The following SEMA5A variants were observed in gnomAD, a reference collection of about 807,000 sequenced individuals.
SEMA5A encodes semaphorin-5A.
Under a neutral mutation model 135.5 loss-of-function variants are expected in SEMA5A, and 55 were observed. The observed-to-expected ratio is 0.41, with a 90% CI of 0.33 to 0.51. The LOEUF is 0.51. SEMA5A is among the 20% of genes least tolerant of loss of function. The pLI is 0.37. For missense variants in SEMA5A, 1,290 were observed against 1,419.9 expected (o/e 0.91, Z 1.47); for synonymous variants, 580 against 546.5 (o/e 1.06, Z -0.85).
At chr5:9,205,263 A>G (rs537698212) in intron 8 of SEMA5A, among the ~76,000 whole-genome samples, 1 of 152,296 alleles carries the variant, frequency 6.6e-6, no homozygotes, top group African/African-American at 2.4e-5. Flanking sequence ...CCAACCAGAG[A>G]GACAATAAAT....
At chr5:9,118,970 C>G (rs1279728658) in intron 15 of SEMA5A, 28 bp downstream of exon 15, 1 of 1,606,392 alleles carries the variant, frequency 6.2e-7, no homozygotes, top group Non-Finnish European at 8.5e-7. Flanking sequence ...GTGAGGCTGG[C>G]GGTGCTGGCA....
intron 3 of SEMA5A, among the ~76,000 whole-genome samples, chr5:9,366,420 G>A (rs559584511): frequency 4.8e-5 from 7 of 146,948 alleles, no homozygotes; most frequent in African/African-American, 1.0e-4. Context: ...ATGGAGTCTC[G>A]CTCTGTCGCC....
intron 16 of SEMA5A, among the ~76,000 whole-genome samples, chr5:9,088,637 AATAT>A (rs71611400): frequency 1.3e-4 from 14 of 108,084 alleles, no homozygotes; most frequent in South Asian, 3.1e-4. Context: ...CTACATTTAT[AATAT>A]ATATATATAT....
intron 13 of SEMA5A, among the ~76,000 whole-genome samples, chr5:9,131,637 A>C (rs1741431444): frequency 5.4e-5 from 4 of 73,582 alleles, no homozygotes; most frequent in African/African-American, 1.9e-4. Flanking sequence ...AAAAAAAAAA[A>C]AAAAAAAAAA....
chr5:9,471,125 C>T (rs1759461499), intron 1 of SEMA5A, among the ~76,000 whole-genome samples: 1 of 152,172 alleles, frequency 6.6e-6, no homozygotes, highest in Non-Finnish European at 1.5e-5. Context: ...GGTCAGGGCT[C>T]ACTGACATAG....
At chr5:9,220,484 G>C (rs539149332) in intron 8 of SEMA5A, among the ~76,000 whole-genome samples, 1 of 146,170 alleles carries the variant, frequency 6.8e-6, no homozygotes, top group African/African-American at 2.6e-5. Flanking sequence ...CTTCAGAATA[G>C]ATGGGAATCC....
chr5:9,128,648 C>T (rs2150199924), intron 13 of SEMA5A, among the ~76,000 whole-genome samples: 1 of 152,256 alleles, frequency 6.6e-6, no homozygotes, highest in East Asian at 1.9e-4. Context: ...TACCATTAGG[C>T]ATATACAGTC....
intron 20 of SEMA5A, among the ~76,000 whole-genome samples, 176 bp from the exon 21 acceptor site, chr5:9,050,633 A>G (rs1736519602): frequency 6.6e-6 from 1 of 152,196 alleles, no homozygotes. Context: ...AACCAACCTG[A>G]TATGGATTTG....
intron 2 of SEMA5A, among the ~76,000 whole-genome samples, chr5:9,408,150 TCAC>T (rs559391384): frequency 2.7e-4 from 41 of 150,728 alleles, no homozygotes; most frequent in African/African-American, 2.9e-4. Flanking sequence ...AACATCATTA[TCAC>T]CACCACCACC....
At chr5:9,365,024 T>G (rs1280387226) in intron 3 of SEMA5A, among the ~76,000 whole-genome samples, 2 of 152,174 alleles carry the variant, frequency 1.3e-5, no homozygotes, top group Non-Finnish European at 2.9e-5. Context: ...AAGCACAAGG[T>G]GGAGTATACA....
intron 1 of SEMA5A, among the ~76,000 whole-genome samples, chr5:9,523,952 T>A (rs1736976909): frequency 6.6e-6 from 1 of 152,198 alleles, no homozygotes; most frequent in Non-Finnish European, 1.5e-5. Context: ...AGATGAGGTC[T>A]AATATGCTTT....
At chr5:9,250,715 T>G (rs1196604174) in intron 5 of SEMA5A, among the ~76,000 whole-genome samples, 2 of 152,174 alleles carry the variant, frequency 1.3e-5, no homozygotes, top group East Asian at 1.9e-4. Flanking sequence ...CAATAATGAT[T>G]TATTTGTTTG....
chr5:9,197,385 TG>T, intron 9 of SEMA5A, 82 bp from the exon 10 acceptor site: 1 of 1,516,216 alleles, frequency 6.6e-7, no homozygotes, highest in Non-Finnish European at 8.9e-7. Context: ...GGGCAGCAGC[TG>T]TGACCTACAG....
intron 5 of SEMA5A, among the ~76,000 whole-genome samples, chr5:9,286,388 T>C (rs1026713170): frequency 2.0e-5 from 3 of 152,010 alleles, no homozygotes; most frequent in Non-Finnish European, 2.9e-5. Context: ...TTTCCTACCA[T>C]TGATTTTTTC....
At chr5:9,359,706 C>A (rs992577997) in intron 3 of SEMA5A, among the ~76,000 whole-genome samples, 2 of 152,162 alleles carry the variant, frequency 1.3e-5, no homozygotes, top group East Asian at 3.9e-4. Flanking sequence ...TGCCACCACT[C>A]CATGTTGGCT....
chr5:9,296,696 T>C (rs1751349276), intron 5 of SEMA5A, among the ~76,000 whole-genome samples: 1 of 152,052 alleles, frequency 6.6e-6, no homozygotes, highest in Admixed American at 6.6e-5. Flanking sequence ...TAAAACATCA[T>C]TCAGAAAGCA....
At chr5:9,103,660 T>C (rs1739749140) in intron 16 of SEMA5A, among the ~76,000 whole-genome samples, 1 of 152,232 alleles carries the variant, frequency 6.6e-6, no homozygotes, top group South Asian at 2.1e-4. Context: ...TGCTGTTCTT[T>C]GTAAATTATT....
chr5:9,210,681 C>T (rs946111370), intron 8 of SEMA5A, among the ~76,000 whole-genome samples: 2 of 152,082 alleles, frequency 1.3e-5, no homozygotes, highest in African/African-American at 2.4e-5. Context: ...TTTTCAAGCG[C>T]TAGCTCAGGT....
chr5:9,435,919 C>T (rs1203542403), intron 2 of SEMA5A, among the ~76,000 whole-genome samples: 2 of 152,172 alleles, frequency 1.3e-5, no homozygotes, highest in African/African-American at 2.4e-5. Flanking sequence ...GAGTTTCTCT[C>T]TACAGGTCTG....
Sources: allele counts gnomAD v4.1 joint callset (sites outside exome capture counted in the v4.1 genomes callset), GRCh38; gene constraint gnomAD v4.1.1; transcripts MANE v1.5; gene names NCBI Gene and HGNC (gene_info 2026-07-23, HGNC 2026-07-21).